The following SEMA5B variants were observed in gnomAD, a reference collection of about 807,000 sequenced individuals.
The protein encoded by SEMA5B is semaphorin 5B, also known as semaphorin-5B.
A neutral mutation model predicts 135.0 loss-of-function variants in SEMA5B; 66 were observed. The ratio of observed to expected loss-of-function variants is 0.49; its 90% CI spans 0.40 to 0.60. The LOEUF (loss-of-function observed/expected upper bound fraction) is 0.60, where lower values mean the gene tolerates loss of function less well. Among genes scored for constraint, SEMA5B ranks in the 20% least tolerant of loss-of-function variants. SEMA5B has a pLI of 0.00. For missense variants in SEMA5B, 1,501 were observed against 1,566.3 expected, an observed-to-expected ratio of 0.96 and a Z score of 0.70; for synonymous variants, 690 against 639.5, an observed-to-expected ratio of 1.08 and a Z score of -1.19.
intron 1 of SEMA5B, among the ~76,000 whole-genome samples, chr3:123,009,971 A>G (rs1044959246): frequency 6.6e-6 from 1 of 152,226 alleles, no homozygotes; most frequent in Non-Finnish European, 1.5e-5. Context: ...TACAGGCAGC[A>G]CCAGGAGCTG....
intron 1 of SEMA5B, among the ~76,000 whole-genome samples, chr3:122,967,577 G>A (rs939016135): frequency 1.2e-4 from 18 of 152,346 alleles, no homozygotes; most frequent in Admixed American, 1.2e-3. Flanking sequence ...ATCACCAGCT[G>A]ACAGAGGAGT....
chr3:122,910,321 C>G lies in SEMA5B; in HGVS notation c.3298-20G>C, dbSNP rs1937623224. On this transcript the variant is annotated intron_variant, in intron 22 of 22. Transcript: ENST00000357599. ...CAGGGTCTGTGGGTGGAAGAAGGAA[C>G]CAGAGAAAGGGGTGAGGGAACACAC... 6.2e-7 allele frequency: 1 copy of G among 1,612,776 alleles called. No individual in the cohort carries two copies. Among genetic ancestry groups the G allele is most frequent in the African/African-American group, 1.3e-5 (1 of 74,878 alleles).
At chr3:122,948,429 C>T (rs1476083330) in intron 3 of SEMA5B, 77 bp downstream of exon 3, 2 of 1,296,106 alleles carry the variant, frequency 1.5e-6, no homozygotes, top group African/African-American at 1.5e-5. Context: ...CAGCCAGAAA[C>T]ATCCTGCCAA....
At chr3:122,940,550 A>G (rs1416398568) in intron 4 of SEMA5B, among the ~76,000 whole-genome samples, 1 of 152,236 alleles carries the variant, frequency 6.6e-6, no homozygotes, top group Non-Finnish European at 1.5e-5. Flanking sequence ...CTTTTTAGGA[A>G]CAAAGATTTT....
intron 1 of SEMA5B, chr3:123,027,095 C>G (rs1049986823): frequency 6.5e-5 from 10 of 153,132 alleles, no homozygotes; most frequent in African/African-American, 2.4e-4. Flanking sequence ...TCCATCTCCG[C>G]ACCTCTGTCC....
At chr3:122,920,424 CTG>C (rs1167137215) in intron 12 of SEMA5B, among the ~76,000 whole-genome samples, 1 of 152,154 alleles carries the variant, frequency 6.6e-6, no homozygotes, top group Non-Finnish European at 1.5e-5. Context: ...ATGTGAAAGC[CTG>C]TGATTCATTG....
At chr3:123,005,725 T>G (rs796677336) in intron 1 of SEMA5B, among the ~76,000 whole-genome samples, 56 of 151,452 alleles carry the variant, frequency 3.7e-4, no homozygotes, top group African/African-American at 1.3e-3. Context: ...CCTGAGGGGG[T>G]CATTTGAGCT....
At chr3:122,976,234 C>T (rs1941316304) in intron 1 of SEMA5B, 1 of 1,387,152 alleles carries the variant, frequency 7.2e-7, no homozygotes, top group Non-Finnish European at 9.6e-7. Context: ...CTCCTGGGAA[C>T]TTGTTTAAAA....
intron 1 of SEMA5B, among the ~76,000 whole-genome samples, chr3:122,969,013 A>T (rs553323123): frequency 6.6e-6 from 1 of 152,342 alleles, no homozygotes; most frequent in African/African-American, 2.4e-5. Flanking sequence ...TGGTGAAAAT[A>T]CATGGGTTCT....
intron 9 of SEMA5B, among the ~76,000 whole-genome samples, chr3:122,924,638 C>A (rs1938535149): frequency 6.6e-6 from 1 of 152,068 alleles, no homozygotes; most frequent in African/African-American, 2.4e-5. Flanking sequence ...CTGCCCTACC[C>A]CTTCACCCTC....
At chr3:122,945,190 A>T (rs962555744) in intron 3 of SEMA5B, among the ~76,000 whole-genome samples, 6 of 152,194 alleles carry the variant, frequency 3.9e-5, no homozygotes, top group African/African-American at 1.2e-4. Context: ...AGGCATGATT[A>T]AAAAAAGAAG....
chr3:123,026,538 C>G (rs1189400243), intron 1 of SEMA5B, among the ~76,000 whole-genome samples: 1 of 152,106 alleles, frequency 6.6e-6, no homozygotes, highest in East Asian at 1.9e-4. Context: ...GGAGTCGGCT[C>G]CGTTGGGCCG....
At position 123,026,204 on chromosome 3, in the gene SEMA5B, G is replaced by A. The variant is rs550325417; in HGVS notation, c.-39+1260C>T. On this transcript the variant is annotated intron_variant, in intron 1 of 22. Transcript: ENST00000357599. ...CCAGAGAAGGTAGGATCGTGGTGAGGTCTAGACACAGGCAAGCTTCCAAAC... is the reference window on the plus strand; with the variant it reads ...CCAGAGAAGGTAGGATCGTGGTGAGATCTAGACACAGGCAAGCTTCCAAAC... Among the ~76,000 whole-genome samples the A allele has an allele frequency of 2.6e-5, 4 of 152,336 alleles. No individual in the cohort carries two copies. The East Asian group carries it at 7.7e-4, about 29-fold the overall frequency.
At chr3:122,935,686 C>CTTTCTTTTTTTTTTTTGTTTTTTTTTT (rs1939233868) in intron 5 of SEMA5B, among the ~76,000 whole-genome samples, 1 of 70,260 alleles carries the variant, frequency 1.4e-5, no homozygotes, top group Non-Finnish European at 2.7e-5. Flanking sequence ...TTCTTTCTTT[C>CTTTCTTTTTTTTTTTTGTTTTTTTTTT]TTTTTTTTTT....
intron 1 of SEMA5B, among the ~76,000 whole-genome samples, chr3:122,972,422 C>T (rs1480140671): frequency 6.6e-6 from 1 of 152,228 alleles, no homozygotes; most frequent in Admixed American, 6.5e-5. Flanking sequence ...CTCCAGATCT[C>T]TCCCCTCATC....
chr3:122,913,785 C>T, intron 15 of SEMA5B, 73 bp downstream of exon 15: 2 of 1,566,622 alleles, frequency 1.3e-6, no homozygotes, highest in Middle Eastern at 1.8e-4. Flanking sequence ...CCCGGGATCA[C>T]GAGGAGAATC....
intron 4 of SEMA5B, 121 bp from the exon 5 acceptor site, chr3:122,939,591 C>A (rs537419306): frequency 1.6e-4 from 115 of 725,710 alleles, no homozygotes; most frequent in Admixed American, 7.9e-4. Flanking sequence ...CTAGGGTCAA[C>A]CCCTAAGGAG....
chr3:122,973,011 G>A (rs60088519), intron 1 of SEMA5B, among the ~76,000 whole-genome samples: 3,094 of 152,302 alleles, frequency 0.02, 51 homozygotes, highest in East Asian at 0.1. Context: ...GAAACTGTGG[G>A]AGAACCCCTA....
chr3:122,911,140 T>C (rs1249871135), intron 21 of SEMA5B, 95 bp from the exon 22 acceptor site: 1 of 1,160,492 alleles, frequency 8.6e-7, no homozygotes, highest in Non-Finnish European at 1.2e-6. Context: ...AACAGGAGGC[T>C]CTGAGGCATC....
Sources: gnomAD v4.1 joint callset for allele counts (sites outside exome capture counted in the v4.1 genomes callset) on GRCh38, gnomAD v4.1.1 for gene constraint, MANE v1.5 for transcripts, NCBI Gene and HGNC (gene_info 2026-07-23, HGNC 2026-07-21) for gene names.